Variants in MEIS2 observed in about 807,000 individuals in gnomAD.
The protein encoded by MEIS2 is Meis homeobox 2.
Under a neutral mutation model 58.6 loss-of-function variants are expected in MEIS2, and 9 were observed. The observed-to-expected ratio is 0.15, with a 90% CI of 0.09 to 0.27. The LOEUF (loss-of-function observed/expected upper bound fraction) is 0.27. MEIS2 is among the 10% of genes least tolerant of loss of function. The pLI is 1.00. For missense variants in MEIS2, 427 were observed against 635.0 expected (o/e 0.67, Z 3.52); for synonymous variants, 221 against 228.4 (o/e 0.97, Z 0.29).
intron 7 of MEIS2, among the ~76,000 whole-genome samples, chr15:37,061,915 G>A (rs994740468): frequency 6.6e-6 from 1 of 151,740 alleles, no homozygotes; most frequent in African/African-American, 2.4e-5. Flanking sequence ...AAAGCAAGCA[G>A]GATATTTTAA....
intron 9 of MEIS2, among the ~76,000 whole-genome samples, chr15:36,931,865 G>C (rs984929088): frequency 6.6e-6 from 1 of 152,072 alleles, no homozygotes; most frequent in Non-Finnish European, 1.5e-5. Flanking sequence ...TTATTACACC[G>C]TTTAAAATTT....
intron 11 of MEIS2, chr15:36,894,487 C>T: frequency 3.0e-6 from 1 of 335,584 alleles, no homozygotes; most frequent in African/African-American, 2.1e-5. Flanking sequence ...GGCTAAAAGG[C>T]AGTCCCACCT....
intron 8 of MEIS2, among the ~76,000 whole-genome samples, chr15:36,999,111 G>C (rs75273215): frequency 0.018 from 2,783 of 152,244 alleles, 98 homozygotes; most frequent in African/African-American, 0.062. Flanking sequence ...AGCCAATTGA[G>C]CTCAGGTGCT....
chr15:37,091,077 AT>A (rs372166071), intron 6 of MEIS2, among the ~76,000 whole-genome samples: 2 of 152,160 alleles, frequency 1.3e-5, no homozygotes, highest in African/African-American at 4.8e-5. Flanking sequence ...AATTGGGCAC[AT>A]TTACATGCTG....
intron 8 of MEIS2, among the ~76,000 whole-genome samples, chr15:36,999,417 A>G (rs2060643895): frequency 6.6e-6 from 1 of 152,180 alleles, no homozygotes; most frequent in South Asian, 2.1e-4. Context: ...AACTGCCACA[A>G]TGACACTTAG....
At chr15:36,969,876 T>C (rs956764931) in intron 8 of MEIS2, among the ~76,000 whole-genome samples, 1 of 151,826 alleles carries the variant, frequency 6.6e-6, no homozygotes, top group Non-Finnish European at 1.5e-5. Flanking sequence ...ACTTAAGACT[T>C]GAGAACAATG....
At chr15:36,979,803 T>C (rs1480853426) in intron 8 of MEIS2, among the ~76,000 whole-genome samples, 1 of 147,350 alleles carries the variant, frequency 6.8e-6, no homozygotes, top group Non-Finnish European at 1.5e-5. Flanking sequence ...CCATACAATA[T>C]AGATATTATT....
chr15:37,000,353 G>C (rs2141594381), intron 8 of MEIS2, among the ~76,000 whole-genome samples: 1 of 152,050 alleles, frequency 6.6e-6, no homozygotes, highest in East Asian at 1.9e-4. Flanking sequence ...ATCCTAATAA[G>C]GACTGGAGGT....
intron 8 of MEIS2, among the ~76,000 whole-genome samples, chr15:36,952,789 A>G (rs1442751590): frequency 1.3e-5 from 2 of 152,138 alleles, no homozygotes; most frequent in African/African-American, 4.8e-5. Context: ...CTGATTGAAT[A>G]ACAATAATTC....
intron 9 of MEIS2, chr15:36,897,764 A>G (rs1231168419): frequency 6.6e-6 from 1 of 152,190 alleles, no homozygotes; most frequent in Non-Finnish European, 1.5e-5. Context: ...CTAAAAATAT[A>G]CCCATTGATA....
chr15:36,901,135 A>C (rs1409377859), intron 9 of MEIS2: 1 of 152,314 alleles, frequency 6.6e-6, no homozygotes, highest in Non-Finnish European at 1.5e-5. Context: ...GGAAAGGCGT[A>C]GGTAGCTCAG....
chr15:36,912,273 ACAT>A (rs2057066953), intron 9 of MEIS2, among the ~76,000 whole-genome samples: 2 of 152,218 alleles, frequency 1.3e-5, no homozygotes, highest in Admixed American at 1.3e-4. Context: ...AAAACCAAAT[ACAT>A]TTAATTAAAT....
intron 9 of MEIS2, 134 bp from the exon 10 acceptor site, chr15:36,896,820 T>C: frequency 2.6e-6 from 2 of 769,824 alleles, no homozygotes; most frequent in South Asian, 3.6e-5. Context: ...AAAGGTGATT[T>C]TCCCTTTCAG....
chr15:37,005,526 T>C (rs1264008047), intron 8 of MEIS2, among the ~76,000 whole-genome samples: 3 of 152,108 alleles, frequency 2.0e-5, no homozygotes, highest in Non-Finnish European at 4.4e-5. Context: ...ATTTACTAAC[T>C]AGTTTACTGC....
chr15:36,942,786 C>A (rs1036698432), intron 9 of MEIS2, among the ~76,000 whole-genome samples: 2 of 152,054 alleles, frequency 1.3e-5, no homozygotes, highest in African/African-American at 4.8e-5. Context: ...CTGGTAAAGG[C>A]ACCACCATAG....
At position 36,892,053 on chromosome 15, in the gene MEIS2, A is replaced by C; in HGVS notation, c.*120T>G. 8.7e-7 allele frequency: 1 copy of C among 1,144,288 alleles called. No individual in the cohort carries two copies. Among genetic ancestry groups the C allele is most frequent in the East Asian group, 2.4e-5 (1 of 42,514 alleles). The allele number at this position is 1,144,288 out of a possible 1,614,324, so 70.9% of individuals were successfully genotyped here. On this transcript the variant is annotated 3_prime_UTR_variant, in exon 12 of 12. Coordinates refer to ENST00000561208, the MANE Select transcript of MEIS2 (RefSeq NM_170675.5). ...CTCTGTTGCTTGATGAAAAATGACA[A>C]AAGTAAAAAATAATCACAGCTGTCT... is the stretch of plus-strand genomic sequence containing the variant.
chr15:37,092,833 C>T (rs1893712038), intron 6 of MEIS2, among the ~76,000 whole-genome samples: 1 of 145,426 alleles, frequency 6.9e-6, no homozygotes, highest in African/African-American at 2.6e-5. Flanking sequence ...CTGACATACA[C>T]AGTCATTTCT....
intron 7 of MEIS2, 87 bp downstream of exon 7, chr15:37,083,684 C>A: frequency 9.6e-7 from 1 of 1,044,580 alleles, no homozygotes; most frequent in Non-Finnish European, 1.4e-6. Flanking sequence ...CTCCTGTTTA[C>A]ATGGCGGCAG....
chr15:36,905,034 T>TTG (rs71126242), intron 9 of MEIS2, among the ~76,000 whole-genome samples: 39,660 of 151,178 alleles, frequency 0.26, 6,048 homozygotes, highest in East Asian at 0.43. Flanking sequence ...TGTATGTGTA[T>TTG]TGTGTGTGTG....
Sources: gnomAD v4.1 joint callset for allele counts (sites outside exome capture counted in the v4.1 genomes callset) on GRCh38, gnomAD v4.1.1 for gene constraint, MANE v1.5 for transcripts, NCBI Gene and HGNC (gene_info 2026-07-23, HGNC 2026-07-21) for gene names.